The following KCNU1 variants were observed in gnomAD, a reference collection of about 807,000 sequenced individuals.
KCNU1 encodes potassium calcium-activated channel subfamily U member 1.
A neutral mutation model predicts 126.8 loss-of-function variants in KCNU1; 93 were observed. That is an observed-to-expected ratio of 0.73 (90% CI 0.62 to 0.87). The LOEUF (loss-of-function observed/expected upper bound fraction) is 0.87, where lower values mean the gene tolerates loss of function less well. KCNU1 is among the 40% of genes least tolerant of loss of function. The pLI is 0.00. For missense variants in KCNU1, 1,330 were observed against 1,367.1 expected (o/e 0.97, Z 0.43); for synonymous variants, 523 against 494.2 (o/e 1.06, Z -0.77).
chr8:36,789,483 T>A (rs1293927229), intron 2 of KCNU1, among the ~76,000 whole-genome samples: 2 of 152,200 alleles, frequency 1.3e-5, no homozygotes, highest in Non-Finnish European at 2.9e-5. Context: ...TTCCTTCCTT[T>A]GTAATTCTTT....
chr8:36,888,898 A>G (rs1174460975), intron 19 of KCNU1: 1 of 413,002 alleles, frequency 2.4e-6, no homozygotes. Flanking sequence ...TTTCTTTTTG[A>G]GATAGGGTCT....
intron 4 of KCNU1, among the ~76,000 whole-genome samples, chr8:36,806,019 T>C (rs1585395238): frequency 6.6e-6 from 1 of 152,098 alleles, no homozygotes; most frequent in Non-Finnish European, 1.5e-5. Flanking sequence ...AATCTTTATA[T>C]TTTTGGTAGA....
chr8:36,853,677 C>T (rs980953399), intron 18 of KCNU1, among the ~76,000 whole-genome samples: 2 of 152,130 alleles, frequency 1.3e-5, no homozygotes, highest in African/African-American at 4.8e-5. Flanking sequence ...AATACATGGT[C>T]TATCCTGGAG....
rs1408061293 is a variant in KCNU1, at chr8:36,845,571, T to C, written c.1704-9T>C. 10 of 1,547,802 alleles carry C rather than the reference T, an allele frequency of 6.5e-6. No homozygotes were observed. The Admixed American group carries it at 1.5e-4, about 24-fold the overall frequency. On this transcript the variant is annotated splice_polypyrimidine_tract_variant and intron_variant, in intron 16 of 26. Transcript: ENST00000399881. ...GAAACATTACCATGTGTTTATTTTT[T>C]GTTTCCAGTGGTCTGATACTAAATC...
chr8:36,896,858 G>T (rs1807211290), intron 19 of KCNU1, among the ~76,000 whole-genome samples: 1 of 152,046 alleles, frequency 6.6e-6, no homozygotes, highest in Non-Finnish European at 1.5e-5. Flanking sequence ...CAGGAAGTGA[G>T]ATATTATTTA....
At chr8:36,848,773 A>G (rs1020614089) in intron 18 of KCNU1, among the ~76,000 whole-genome samples, 2 of 152,140 alleles carry the variant, frequency 1.3e-5, no homozygotes, top group African/African-American at 2.4e-5. Context: ...CTGAGAATCC[A>G]TATGAAAAGG....
At chr8:36,799,793 G>A (rs139306548) in intron 2 of KCNU1, among the ~76,000 whole-genome samples, 4,296 of 151,312 alleles carry the variant, frequency 0.028, 220 homozygotes, top group African/African-American at 0.099. Context: ...CTCCTGCCTC[G>A]GCCTCCCAAA....
intron 5 of KCNU1, among the ~76,000 whole-genome samples, chr8:36,806,704 C>A (rs1243032902): frequency 6.6e-6 from 1 of 152,118 alleles, no homozygotes; most frequent in Non-Finnish European, 1.5e-5. Context: ...GATGAAAAAC[C>A]TCCCTTTGTC....
Position 36,935,713 on chromosome 8 carries a change from T to G in KCNU1, c.3243T>G (p.Val1081=). The G allele has an allele frequency of 6.2e-7, 1 of 1,613,152 alleles. No individual in the cohort carries two copies. Among genetic ancestry groups the G allele is most frequent in the Non-Finnish European group, 8.5e-7 (1 of 1,179,252 alleles). ...DTNCPPTIDS[V]TETLYSPVYS... Reference sequence around the variant, plus strand: ...ATTGTCCTCCCACCATTGATTCAGTTACTGAGACATTGTATTCACCAGTCT... The same window carrying G: ...ATTGTCCTCCCACCATTGATTCAGTGACTGAGACATTGTATTCACCAGTCT... Residue 1081 remains valine, a synonymous_variant, in exon 27 of 27, where the codon GTT becomes GTG. Transcript: ENST00000399881.
intron 24 of KCNU1, chr8:36,923,022 G>A (rs940794082): frequency 2.2e-6 from 1 of 459,760 alleles, no homozygotes; most frequent in African/African-American, 2.0e-5. Flanking sequence ...CCAGTTTCAA[G>A]GAAGAAGCTC....
intron 18 of KCNU1, among the ~76,000 whole-genome samples, chr8:36,859,483 T>C (rs1805651621): frequency 2.0e-5 from 3 of 152,188 alleles, no homozygotes; most frequent in Non-Finnish European, 4.4e-5. Flanking sequence ...TGAGTTGTGA[T>C]CACAGCTATT....
At chr8:36,905,422 G>A (rs1361141716) in intron 19 of KCNU1, among the ~76,000 whole-genome samples, 1 of 148,900 alleles carries the variant, frequency 6.7e-6, no homozygotes. Flanking sequence ...AAAATTAAAA[G>A]CAGAAATAAC....
In KCNU1 at chr8:36,833,636, T is replaced by A; in HGVS notation, c.1189T>A (p.Trp397Arg). The A allele has an allele frequency of 6.2e-7, 1 of 1,609,776 alleles. No homozygotes were observed. The highest frequency in any genetic ancestry group is 8.5e-7 in the Non-Finnish European group (1 of 1,176,446). The change falls in exon 11 of 27, where the codon TGG becomes AGG. Residue 397 changes from tryptophan to arginine, a missense_variant. By Grantham distance (101) the Trp-to-Arg change is moderately radical (BLOSUM62 -3). This residue lies in a region of KCNU1 where 1,054 missense variants were observed against 1,053.9 expected (regional missense o/e 1.00). Coordinates refer to ENST00000399881, the MANE Select transcript of KCNU1 (RefSeq NM_001031836.3). ...GTTCATTTCTGGATCTGCAATGAAG[T>A]GGGAGGATCTGAGGCGAGTTGCGGT... is the stretch of plus-strand genomic sequence containing the variant. The part of the protein sequence containing the change: ...TTFISGSAMK[W>R]EDLRRVAVES...
chr8:36,911,246 C>T (rs1250612684), intron 22 of KCNU1, 127 bp downstream of exon 22: 9 of 661,130 alleles, frequency 1.4e-5, no homozygotes, highest in African/African-American at 3.6e-5. Context: ...GAGGTCCCTT[C>T]CAATCCTGAG....
intron 10 of KCNU1, among the ~76,000 whole-genome samples, chr8:36,830,118 T>C (rs1804476883): frequency 6.7e-6 from 1 of 149,802 alleles, no homozygotes; most frequent in Non-Finnish European, 1.5e-5. Context: ...TCTTTATTAA[T>C]CCAGATTTGT....
chr8:36,874,087 C>T, intron 19 of KCNU1, among the ~76,000 whole-genome samples: 1 of 152,182 alleles, frequency 6.6e-6, no homozygotes, highest in African/African-American at 2.4e-5. Flanking sequence ...TAGATCTTTT[C>T]TGCTGCCAAA....
At chr8:36,841,134 G>T (rs1203136426) in intron 16 of KCNU1, 131 bp downstream of exon 16, 3 of 665,536 alleles carry the variant, frequency 4.5e-6, no homozygotes, top group Admixed American at 5.8e-5. Flanking sequence ...TGGATTGGCT[G>T]AGAGGCAGCC....
At chr8:36,848,343 T>A (rs1805223771) in intron 18 of KCNU1, among the ~76,000 whole-genome samples, 1 of 152,210 alleles carries the variant, frequency 6.6e-6, no homozygotes, top group South Asian at 2.1e-4. Context: ...GCTTTTGAAG[T>A]CTTAGCAATA....
intron 19 of KCNU1, chr8:36,888,434 G>C (rs1806803913): frequency 2.5e-6 from 1 of 407,964 alleles, no homozygotes; most frequent in African/African-American, 2.1e-5. Context: ...TGAACTCCAG[G>C]CTTCTGCTAA....
Sources: allele counts gnomAD v4.1 joint callset (sites outside exome capture counted in the v4.1 genomes callset), GRCh38; gene constraint gnomAD v4.1.1; regional missense constraint gnomAD v4.1.1; transcripts MANE v1.5; gene names NCBI Gene and HGNC (gene_info 2026-07-23, HGNC 2026-07-21).